Variants in AGAP1 observed in about 807,000 individuals in gnomAD.
AGAP1 encodes ArfGAP with GTPase domain, ankyrin repeat and PH domain 1, also known as arf-GAP with GTPase, ANK repeat and PH domain-containing protein 1.
Under a neutral mutation model 105.3 loss-of-function variants are expected in AGAP1, and 29 were observed. The observed-to-expected ratio is 0.28, with a 90% CI of 0.21 to 0.38. The LOEUF is 0.38. Ranked by LOEUF, AGAP1 falls within the 10% of genes least tolerant of loss-of-function variation. The pLI is 1.00. For synonymous variants in AGAP1, 509 were observed against 485.9 expected, an observed-to-expected ratio of 1.05 and a Z score of -0.63; for missense variants, 998 against 1,165.1, an observed-to-expected ratio of 0.86 and a Z score of 2.09.
At chr2:235,674,220 A>G (rs1245101456) in intron 1 of AGAP1, among the ~76,000 whole-genome samples, 1 of 152,222 alleles carries the variant, frequency 6.6e-6, no homozygotes, top group Non-Finnish European at 1.5e-5. Flanking sequence ...AAGGCTTGCA[A>G]CTGATAGCAG....
chr2:235,598,426 A>T (rs1161517143), intron 1 of AGAP1, among the ~76,000 whole-genome samples: 1 of 152,178 alleles, frequency 6.6e-6, no homozygotes, highest in Non-Finnish European at 1.5e-5. Flanking sequence ...TGTTTTTGTG[A>T]CCAGAAATAA....
rs1378654555 is a variant in AGAP1 at position 235,960,456 on chromosome 2, C to T, written c.1484-8006C>T. Among the ~76,000 whole-genome samples, 3 of 152,182 alleles carry T rather than the reference C, an allele frequency of 2.0e-5. No homozygotes were observed. The highest frequency in any genetic ancestry group is 4.4e-5 in the Non-Finnish European group (3 of 68,044). The stretch of plus-strand genomic sequence containing the variant: ...CCCGGTGCAATGACACCTTCATCTC[C>T]CTGTTGGTCCCATTCTCTGGGGTGG... On this transcript the variant is annotated intron_variant, in intron 12 of 17. Transcript: ENST00000304032. The surrounding 1 kb of genome is among the most constrained non-coding windows in gnomAD (Gnocchi z 4.9).
intron 1 of AGAP1, among the ~76,000 whole-genome samples, chr2:235,547,730 T>C (rs1289150952): frequency 6.6e-6 from 1 of 152,208 alleles, no homozygotes; most frequent in Admixed American, 6.5e-5. Flanking sequence ...TGACCTCAAA[T>C]GGTCTGCCCT....
chr2:236,017,884 C>G (rs1293963975), intron 13 of AGAP1, among the ~76,000 whole-genome samples: 2 of 152,180 alleles, frequency 1.3e-5, no homozygotes, highest in Non-Finnish European at 2.9e-5. Flanking sequence ...GCAGAACAAG[C>G]TAGCATGTTC....
At chr2:235,693,713 G>A (rs1054615284) in intron 1 of AGAP1, among the ~76,000 whole-genome samples, 3 of 152,150 alleles carry the variant, frequency 2.0e-5, no homozygotes, top group African/African-American at 4.8e-5. Context: ...AACATTAGAA[G>A]TAGTAGTACT....
rs530236344 is a variant in AGAP1 at position 236,038,975 on chromosome 2, C to T, written c.1801-1776C>T. Among the ~76,000 whole-genome samples the T allele has an allele frequency of 5.9e-5, 9 of 152,202 alleles. No homozygotes were observed. The highest frequency in any genetic ancestry group is 2.0e-4 in the Admixed American group (3 of 15,288). ...GCTAATTAGACAGTAGTGATTAATA[C>T]ATTATAATTTATTATGTAGCAAGTA... On this transcript the variant is annotated intron_variant, in intron 14 of 17. Coordinates refer to ENST00000304032, the MANE Select transcript of AGAP1 (RefSeq NM_001037131.3). This position sits in a 1 kb window ranked among gnomAD's most constrained non-coding sequence, Gnocchi z 4.5.
Position 235,957,989 on chromosome 2 carries a change from G to A in AGAP1, c.1484-10473G>A, listed in dbSNP as rs928914204. Among the ~76,000 whole-genome samples, 5 of 152,210 alleles carry A rather than the reference G, an allele frequency of 3.3e-5. No homozygotes were observed. The highest frequency in any genetic ancestry group is 4.8e-5 in the African/African-American group (2 of 41,448). On this transcript the variant is annotated intron_variant, in intron 12 of 17. Coordinates refer to ENST00000304032, the MANE Select transcript of AGAP1 (RefSeq NM_001037131.3). The surrounding 1 kb of genome is among the most constrained non-coding windows in gnomAD (Gnocchi z 4.6). ...TAGGTAAATTAAGGTGTGGGTGGAAGTCAGCAGGGGCAGGGGGCCGATACA... is the reference window on the plus strand; with the variant it reads ...TAGGTAAATTAAGGTGTGGGTGGAAATCAGCAGGGGCAGGGGGCCGATACA...
chr2:235,516,124 C>T (rs1321989170), intron 1 of AGAP1, among the ~76,000 whole-genome samples: 2 of 152,010 alleles, frequency 1.3e-5, no homozygotes, highest in Admixed American at 6.6e-5. Flanking sequence ...CTCTCCCTCA[C>T]CTGTGCTTCC....
intron 9 of AGAP1, among the ~76,000 whole-genome samples, chr2:235,826,328 G>C (rs183385423): frequency 3.3e-5 from 5 of 152,344 alleles, no homozygotes; most frequent in Non-Finnish European, 7.3e-5. Flanking sequence ...GCAGATACAG[G>C]GCCTGAGCAG....
At chr2:235,500,426 C>T (rs760282454) in intron 1 of AGAP1, among the ~76,000 whole-genome samples, 33 of 152,188 alleles carry the variant, frequency 2.2e-4, no homozygotes, top group Non-Finnish European at 3.7e-4. Flanking sequence ...CCTGAGGATG[C>T]GGATGCCCTG....
chr2:235,502,506 T>G (rs1336734488), intron 1 of AGAP1, among the ~76,000 whole-genome samples: 1 of 152,064 alleles, frequency 6.6e-6, no homozygotes, highest in Non-Finnish European at 1.5e-5. Context: ...TGGGAACAGA[T>G]TGGTGTTTTT....
At chr2:235,547,938 A>G (rs997518084) in intron 1 of AGAP1, among the ~76,000 whole-genome samples, 6 of 152,222 alleles carry the variant, frequency 3.9e-5, no homozygotes, top group African/African-American at 1.4e-4. Context: ...GCCCGGTGAA[A>G]TTCCACGCCT....
chr2:235,554,254 CAG>C (rs1029600992), intron 1 of AGAP1, among the ~76,000 whole-genome samples: 2 of 152,252 alleles, frequency 1.3e-5, no homozygotes, highest in African/African-American at 2.4e-5. Context: ...CACGCTGAAG[CAG>C]AGAGTGGCCT....
chr2:235,954,132 G>C (rs1353610285), intron 12 of AGAP1, among the ~76,000 whole-genome samples: 1 of 151,962 alleles, frequency 6.6e-6, no homozygotes, highest in South Asian at 2.1e-4. Context: ...CCAGCTACTC[G>C]GGAGGCTGAG....
Position 235,777,018 on chromosome 2 carries a change from G to C in AGAP1, c.674-20741G>C. ...AGCACGTTTTATCATGTGAGCGTCT[G>C]CTCTTGAGAGGCCAGGCTGGATCCT... On this transcript the variant is annotated intron_variant, in intron 6 of 17. Transcript: ENST00000304032. The surrounding 1 kb of genome is among the most constrained non-coding windows in gnomAD (Gnocchi z 5.1). The C allele has an allele frequency of 2.1e-6, 1 of 471,186 alleles. No individual in the cohort carries two copies. Among genetic ancestry groups the C allele is most frequent in the South Asian group, 1.5e-5 (1 of 64,576 alleles). The allele number at this position is 471,186 out of a possible 1,614,324, so 29.2% of individuals were successfully genotyped here.
At chr2:235,743,861 G>T (rs1245395777) in intron 4 of AGAP1, among the ~76,000 whole-genome samples, 1 of 152,214 alleles carries the variant, frequency 6.6e-6, no homozygotes, top group African/African-American at 2.4e-5. Context: ...GATGTGCTGC[G>T]CTGGTTGCAG....
At chr2:235,522,820 G>C (rs1225390714) in intron 1 of AGAP1, among the ~76,000 whole-genome samples, 1 of 152,174 alleles carries the variant, frequency 6.6e-6, no homozygotes, top group African/African-American at 2.4e-5. Context: ...GTTTGGTACT[G>C]TTAGAGCGAT....
At chr2:235,699,211 G>A (rs1950141662) in intron 1 of AGAP1, among the ~76,000 whole-genome samples, 2 of 152,166 alleles carry the variant, frequency 1.3e-5, no homozygotes, top group Non-Finnish European at 2.9e-5. Context: ...TACTGCTGGG[G>A]CATGGGAACA....
intron 9 of AGAP1, among the ~76,000 whole-genome samples, chr2:235,868,677 A>G (rs1575654317): frequency 6.6e-6 from 1 of 152,234 alleles, no homozygotes; most frequent in Admixed American, 6.5e-5. Flanking sequence ...AATAATTGCT[A>G]TCGAGCAGAG....
Sources: gnomAD v4.1 joint callset for allele counts (sites outside exome capture counted in the v4.1 genomes callset) on GRCh38, gnomAD v4.1.1 for gene constraint, Gnocchi (gnomAD v3.1) non-coding constraint, MANE v1.5 for transcripts, NCBI Gene and HGNC (gene_info 2026-07-23, HGNC 2026-07-21) for gene names.